CELF4: variants seen among roughly 807,000 people sequenced by gnomAD.
CELF4 encodes CUG-BP- and ETR-3-like factor 4.
A neutral mutation model predicts 59.9 loss-of-function variants in CELF4; 18 were observed. The ratio of observed to expected loss-of-function variants is 0.30; its 90% confidence interval spans 0.21 to 0.45. The LOEUF is 0.45. CELF4 is among the 20% of genes least tolerant of loss of function. CELF4 has a pLI of 1.00. For synonymous variants in CELF4, 261 were observed against 267.1 expected, an observed-to-expected ratio of 0.98 and a Z score of 0.22; for missense variants, 456 against 689.0, an observed-to-expected ratio of 0.66 and a Z score of 3.79.
At chr18:37,377,178 G>A (rs1373213078) in intron 2 of CELF4, among the ~76,000 whole-genome samples, 1 of 152,180 alleles carries the variant, frequency 6.6e-6, no homozygotes, top group Non-Finnish European at 1.5e-5. Flanking sequence ...GGAAACAAAG[G>A]CATCCTGAGA....
At chr18:37,264,259 A>C (rs1355954940) in intron 10 of CELF4, among the ~76,000 whole-genome samples, 1 of 152,228 alleles carries the variant, frequency 6.6e-6, no homozygotes, top group Non-Finnish European at 1.5e-5. Context: ...GTTCTGCTTA[A>C]GGGATGGTTC....
At chr18:37,299,521 G>A (rs1299783847) in intron 3 of CELF4, among the ~76,000 whole-genome samples, 1 of 152,116 alleles carries the variant, frequency 6.6e-6, no homozygotes, top group Admixed American at 6.5e-5. Flanking sequence ...GGCTCACAGG[G>A]ACAAGGGATC....
In CELF4 at chr18:37,275,298, C is replaced by A. The variant is rs1177579566; in HGVS notation, c.449-55G>T. On this transcript the variant is annotated intron_variant, in intron 3 of 12. Transcript: ENST00000420428. ...GGCCAGGGACCGGGCTGCGCGGGAG[C>A]AGGGCAAGGCCGGAGGGGGAGAGCG... The A allele has an allele frequency of 2.5e-6, 4 of 1,582,096 alleles. No homozygotes were observed. The Admixed American group carries it at 6.9e-5, about 27-fold the overall frequency.
intron 2 of CELF4, among the ~76,000 whole-genome samples, chr18:37,325,963 G>A (rs918073997): frequency 6.6e-6 from 1 of 152,158 alleles, no homozygotes; most frequent in Non-Finnish European, 1.5e-5. Flanking sequence ...AGTCTTGGTC[G>A]GGAAGATTTC....
At chr18:37,508,215 G>A (rs1029339600) in intron 1 of CELF4, among the ~76,000 whole-genome samples, 1 of 152,234 alleles carries the variant, frequency 6.6e-6, no homozygotes, top group African/African-American at 2.4e-5. Context: ...TCTAAGGCCA[G>A]ACTAAGACAT....
intron 1 of CELF4, 45 bp from the exon 2 acceptor site, chr18:37,485,652 C>A (rs1419427296): frequency 5.5e-6 from 7 of 1,281,524 alleles, no homozygotes; most frequent in Non-Finnish European, 6.1e-6. Context: ...GGGGCGCCCC[C>A]GGGCCCGCCG....
intron 3 of CELF4, among the ~76,000 whole-genome samples, chr18:37,280,194 CTG>C (rs1270992754): frequency 6.6e-6 from 1 of 152,214 alleles, no homozygotes; most frequent in Non-Finnish European, 1.5e-5. Context: ...GATGATAAAA[CTG>C]TGGACAGGAG....
chr18:37,499,530 T>C (rs2099929078), intron 1 of CELF4, among the ~76,000 whole-genome samples: 1 of 152,108 alleles, frequency 6.6e-6, no homozygotes, highest in African/African-American at 2.4e-5. Flanking sequence ...AGGTCCCTCA[T>C]GGGAAGGGAA....
intron 2 of CELF4, among the ~76,000 whole-genome samples, chr18:37,354,839 T>A (rs1280904601): frequency 6.6e-6 from 1 of 152,224 alleles, no homozygotes. Context: ...CTCACCCTGC[T>A]GTTCAGATCA....
At chr18:37,444,617 T>TACACACACACACACACACACACAC (rs61248144) in intron 2 of CELF4, among the ~76,000 whole-genome samples, 34 of 134,252 alleles carry the variant, frequency 2.5e-4, no homozygotes, top group African/African-American at 8.4e-4. Context: ...CTAGCATGCA[T>TACACACACACACACACACACACAC]ACACACACAC....
intron 2 of CELF4, among the ~76,000 whole-genome samples, chr18:37,356,424 C>CTCTTTCTTG (rs2098574306): frequency 6.6e-6 from 1 of 152,022 alleles, no homozygotes; most frequent in Non-Finnish European, 1.5e-5. Context: ...GAGACAAGGA[C>CTCTTTCTTG]ATGAAAGAGG....
At chr18:37,382,449 C>T (rs942213167) in intron 2 of CELF4, among the ~76,000 whole-genome samples, 1 of 152,184 alleles carries the variant, frequency 6.6e-6, no homozygotes, top group African/African-American at 2.4e-5. Context: ...GTCTTAGGTA[C>T]GATGATCCCA....
At chr18:37,252,370 CT>C (rs2066024804) in intron 12 of CELF4, among the ~76,000 whole-genome samples, 1 of 152,000 alleles carries the variant, frequency 6.6e-6, no homozygotes, top group Non-Finnish European at 1.5e-5. Context: ...CTTTGGCCCC[CT>C]ACAAGCTATT....
intron 1 of CELF4, among the ~76,000 whole-genome samples, chr18:37,523,296 A>G (rs1299746060): frequency 6.6e-6 from 1 of 152,148 alleles, no homozygotes. Flanking sequence ...ATGCTCCCCC[A>G]GGTCTCTCTT....
At chr18:37,424,672 C>T (rs1000176317) in intron 2 of CELF4, among the ~76,000 whole-genome samples, 8 of 152,120 alleles carry the variant, frequency 5.3e-5, no homozygotes, top group East Asian at 1.9e-4. Context: ...GATCAGAGGC[C>T]GAGGGAGCAC....
chr18:37,543,893 A>C (rs1266163928), intron 1 of CELF4, among the ~76,000 whole-genome samples: 5 of 152,194 alleles, frequency 3.3e-5, no homozygotes, highest in Non-Finnish European at 5.9e-5. Context: ...CTGAAGCTCC[A>C]GGGAGGCTGA....
intron 2 of CELF4, among the ~76,000 whole-genome samples, chr18:37,386,226 T>C (rs2099097807): frequency 6.6e-6 from 1 of 152,170 alleles, no homozygotes; most frequent in Non-Finnish European, 1.5e-5. Flanking sequence ...AGGATGACAA[T>C]TATTATGTGA....
chr18:37,376,170 T>C (rs2098966828), intron 2 of CELF4, among the ~76,000 whole-genome samples: 1 of 152,064 alleles, frequency 6.6e-6, no homozygotes, highest in Admixed American at 6.5e-5. Flanking sequence ...CCCTCACCCT[T>C]TCTCAATAAG....
intron 2 of CELF4, among the ~76,000 whole-genome samples, chr18:37,343,684 G>C (rs915148787): frequency 1.3e-5 from 2 of 152,096 alleles, no homozygotes; most frequent in South Asian, 4.1e-4. Context: ...TGTATTCAGA[G>C]TGGCCAGTCT....
Sources: allele counts gnomAD v4.1 joint callset (sites outside exome capture counted in the v4.1 genomes callset), GRCh38; gene constraint gnomAD v4.1.1; transcripts MANE v1.5; gene names NCBI Gene and HGNC (gene_info 2026-07-23, HGNC 2026-07-21).